Variants in TSC22D3 observed in about 807,000 individuals in gnomAD.
TSC22D3 encodes TSC22 domain family member 3.
TSC22D3 carries 4 observed loss-of-function variants against 11.1 expected under a neutral mutation model. That is an observed-to-expected ratio of 0.36 (90% CI 0.18 to 0.83). The LOEUF is 0.83. TSC22D3 is among the 40% of genes least tolerant of loss of function. The pLI, the probability that TSC22D3 is intolerant of heterozygous loss-of-function variation, is 0.48. For missense variants in TSC22D3, 118 were observed against 159.4 expected, an observed-to-expected ratio of 0.74 and a Z score of 1.40; for synonymous variants, 77 against 70.3, an observed-to-expected ratio of 1.10 and a Z score of -0.48.
Position 107,775,414 on chromosome X carries a change from G to A in TSC22D3, c.6C>T (p.Ala2=). 8.5e-7 allele frequency: 1 copy of A among 1,176,335 alleles called. No individual in the cohort carries two copies. Among genetic ancestry groups the A allele is most frequent in the Non-Finnish European group, 1.1e-6 (1 of 875,942 alleles). Residue 2 remains alanine (A), a synonymous_variant, in exon 1 of 3, where the codon GCC becomes GCT. Coordinates refer to ENST00000372383, the MANE Select transcript of TSC22D3 (RefSeq NM_198057.3). The stretch of plus-strand genomic sequence containing the variant: ...GTGAGCGGCAATCGAGCTTGGACTG[G>A]GCCATCTTCTCAGGCTCGGAGGTCG... M[A]QSKLDCRSPV... is the part of the protein sequence containing the mutation.
chrX:107,768,944 A>G (rs1295878334), intron 1 of TSC22D3, among the ~76,000 whole-genome samples: 1 of 112,841 alleles, frequency 8.9e-6, no homozygotes. Context: ...AGGCAGCACC[A>G]TCACTTTGCC....
intron 1 of TSC22D3, among the ~76,000 whole-genome samples, chrX:107,753,097 A>C (rs12858266): frequency 0.2 from 21,989 of 110,265 alleles, 3,736 homozygotes; most frequent in African/African-American, 0.56. Flanking sequence ...GGGCCTCTAA[A>C]TGCCAGGCCA....
chrX:107,726,434 G>C (rs1035227641), intron 1 of TSC22D3, among the ~76,000 whole-genome samples: 3 of 111,243 alleles, frequency 2.7e-5, no homozygotes, highest in Non-Finnish European at 5.7e-5. Flanking sequence ...GTTGGGGGTG[G>C]GGTTGAAATA....
At chrX:107,761,225 T>C (rs754116579) in intron 1 of TSC22D3, among the ~76,000 whole-genome samples, 8 of 112,351 alleles carry the variant, frequency 7.1e-5, no homozygotes, top group Non-Finnish European at 1.5e-4. Context: ...GCTAATGTCC[T>C]CTGCTCCTTG....
intron 1 of TSC22D3, among the ~76,000 whole-genome samples, chrX:107,756,291 T>A (rs766072626): frequency 1.6e-4 from 18 of 112,623 alleles, no homozygotes; most frequent in Non-Finnish European, 3.2e-4. Context: ...TTAAGCAGAT[T>A]CCCTTTTTAA....
At chrX:107,760,780 T>G (rs1036198043) in intron 1 of TSC22D3, among the ~76,000 whole-genome samples, 1 of 112,316 alleles carries the variant, frequency 8.9e-6, no homozygotes, top group Non-Finnish European at 1.9e-5. Flanking sequence ...TCTTCACAGT[T>G]CCCTGCTCTC....
rs1180289090 is a variant in TSC22D3, at chrX:107,749,582, T to G, written c.320+25518A>C. ...CTGGGATTACAGGCATGAGCCACCA[T>G]GCTTGGCAGATTTAAAATAGAATAT... On this transcript the variant is annotated intron_variant, in intron 1 of 2. Transcript: ENST00000372383. 5.4e-5 allele frequency among the ~76,000 whole-genome samples: 6 copies of G among 111,121 alleles called. No individual in the cohort carries two copies. In the Admixed American group the frequency reaches 5.7e-4, roughly 11 times the overall value.
chrX:107,735,385 G>C (rs1928085823), intron 1 of TSC22D3, among the ~76,000 whole-genome samples: 1 of 111,552 alleles, frequency 9.0e-6, no homozygotes, highest in South Asian at 3.7e-4. Flanking sequence ...TTGGTCCTGG[G>C]CAGGGATCAG....
intron 1 of TSC22D3, among the ~76,000 whole-genome samples, chrX:107,724,358 G>A (rs919884280): frequency 1.8e-5 from 2 of 113,218 alleles, no homozygotes; most frequent in Non-Finnish European, 3.7e-5. Flanking sequence ...TGTTGGAAGG[G>A]CTTAAGGAAG....
intron 1 of TSC22D3, among the ~76,000 whole-genome samples, chrX:107,749,054 G>A (rs1928807246): frequency 9.0e-6 from 1 of 111,510 alleles, no homozygotes; most frequent in East Asian, 2.8e-4. Flanking sequence ...GACAGGACAG[G>A]TCAGGTGCGG....
chrX:107,728,176 TTATG>T (rs780260811), intron 1 of TSC22D3, among the ~76,000 whole-genome samples: 32 of 109,255 alleles, frequency 2.9e-4, no homozygotes, highest in Non-Finnish European at 5.3e-4. Flanking sequence ...AAAAAAAAGG[TTATG>T]TATGTGTTAG....
Position 107,716,080 on chromosome X carries a change from G to A in TSC22D3, c.321-130C>T, listed in dbSNP as rs767869517. On this transcript the variant is annotated intron_variant, in intron 1 of 2. Transcript: ENST00000372383. ...CTCTCCTTCTCGCCTCCCTGGCCCAGAGTTCCGGACAGTTTGTCCCCAGAT... is the reference window on the plus strand; with the variant it reads ...CTCTCCTTCTCGCCTCCCTGGCCCAAAGTTCCGGACAGTTTGTCCCCAGAT... 1.2e-4 allele frequency: 92 copies of A among 784,873 alleles called. 1 individual carries two copies. In the South Asian group the frequency reaches 2.2e-3, roughly 19 times the overall value. The allele number at this position is 784,873 out of a possible 1,213,427, so 64.7% of individuals were successfully genotyped here.
chrX:107,754,537 T>C (rs1929085130), intron 1 of TSC22D3, among the ~76,000 whole-genome samples: 1 of 111,809 alleles, frequency 8.9e-6, no homozygotes, highest in South Asian at 3.7e-4. Flanking sequence ...TAATCAAAAC[T>C]CTACCCAGAT....
At chrX:107,741,297 G>A (rs1307371440) in intron 1 of TSC22D3, among the ~76,000 whole-genome samples, 3 of 112,487 alleles carry the variant, frequency 2.7e-5, no homozygotes, top group South Asian at 3.7e-4. Flanking sequence ...GAGAAGGGGC[G>A]AAGCCACCGT....
At chrX:107,720,350 G>C (rs940670693) in intron 1 of TSC22D3, among the ~76,000 whole-genome samples, 4 of 111,557 alleles carry the variant, frequency 3.6e-5, no homozygotes, top group African/African-American at 1.3e-4. Flanking sequence ...TGGATCCCAG[G>C]GTCCACTGGC....
In TSC22D3 at chrX:107,748,589, C is replaced by G. The variant is rs1432248313; in HGVS notation, c.320+26511G>C. On this transcript the variant is annotated intron_variant, in intron 1 of 2. Coordinates refer to ENST00000372383, the MANE Select transcript of TSC22D3 (RefSeq NM_198057.3). ...TGCCTCATCTCCCTCCCCTTTCATT[C>G]CTTTTATAACCCTTGTTCCAACTCT... Among the ~76,000 whole-genome samples the G allele has an allele frequency of 2.7e-5, 3 of 111,852 alleles. No individual in the cohort carries two copies. In the South Asian group the frequency reaches 1.1e-3, roughly 42 times the overall value.
intron 1 of TSC22D3, among the ~76,000 whole-genome samples, chrX:107,724,318 A>G (rs903567550): frequency 4.4e-5 from 5 of 113,048 alleles, no homozygotes; most frequent in African/African-American, 1.6e-4. Context: ...CCCCCCAACC[A>G]TGGGAACAGC....
intron 1 of TSC22D3, among the ~76,000 whole-genome samples, chrX:107,755,175 G>A (rs1929118937): frequency 8.9e-6 from 1 of 112,702 alleles, no homozygotes; most frequent in African/African-American, 3.2e-5. Flanking sequence ...AGACCGACAA[G>A]GGATGGGATA....
chrX:107,733,622 C>T (rs888869309), intron 1 of TSC22D3, among the ~76,000 whole-genome samples: 13 of 111,388 alleles, frequency 1.2e-4, no homozygotes, highest in African/African-American at 4.3e-4. Flanking sequence ...TCTTGCCATG[C>T]TCTCTCCTTC....
Sources: allele counts gnomAD v4.1 joint callset (sites outside exome capture counted in the v4.1 genomes callset), GRCh38; gene constraint gnomAD v4.1.1; transcripts MANE v1.5; gene names NCBI Gene and HGNC (gene_info 2026-07-23, HGNC 2026-07-21).